The following ST7 variants were observed in gnomAD, a reference collection of about 807,000 sequenced individuals.
ST7 encodes suppression of tumorigenicity 7, also known as suppressor of tumorigenicity 7 protein.
A neutral mutation model predicts 78.7 loss-of-function variants in ST7; 28 were observed. The ratio of observed to expected loss-of-function variants is 0.36; its 90% CI spans 0.26 to 0.49. ST7 has a LOEUF of 0.49. Ranked by LOEUF, ST7 falls within the 20% of genes least tolerant of loss-of-function variation. ST7 has a pLI of 0.99. For missense variants in ST7, 418 were observed against 696.0 expected (o/e 0.60, Z 4.49); for synonymous variants, 247 against 249.6 (o/e 0.99, Z 0.10).
At chr7:117,020,703 A>C in intron 1 of ST7, 1 of 1,540,758 alleles carries the variant, frequency 6.5e-7, no homozygotes, top group Non-Finnish European at 8.8e-7. Flanking sequence ...CTTAGAGTTC[A>C]TATCACTTTG....
chr7:116,993,456 C>A (rs992381633), intron 1 of ST7, among the ~76,000 whole-genome samples: 2 of 152,148 alleles, frequency 1.3e-5, no homozygotes, highest in Non-Finnish European at 1.5e-5. Context: ...ATGGGGAAAA[C>A]GGCCCCCATG....
chr7:117,027,908 GA>G (rs1477700969), intron 1 of ST7, among the ~76,000 whole-genome samples: 2 of 152,120 alleles, frequency 1.3e-5, no homozygotes, highest in Non-Finnish European at 2.9e-5. Context: ...TTTAAAATTT[GA>G]ATCTGCTGTG....
At chr7:117,207,058 C>A (rs1484286917) in intron 12 of ST7, among the ~76,000 whole-genome samples, 1 of 152,064 alleles carries the variant, frequency 6.6e-6, no homozygotes, top group Non-Finnish European at 1.5e-5. Context: ...ACGGATGGCA[C>A]ATATCTATAA....
chr7:117,165,437 G>A (rs183078331), intron 9 of ST7, among the ~76,000 whole-genome samples: 177 of 152,240 alleles, frequency 1.2e-3, no homozygotes, highest in Middle Eastern at 6.8e-3. Flanking sequence ...GATAATGGAA[G>A]ATTATAAATG....
At chr7:117,207,318 A>G (rs1261840733) in intron 12 of ST7, among the ~76,000 whole-genome samples, 3 of 151,828 alleles carry the variant, frequency 2.0e-5, no homozygotes, top group East Asian at 1.9e-4. Context: ...TAATTTTTGT[A>G]TTTTTAGTAG....
At chr7:117,071,133 G>C (rs1455998043) in intron 1 of ST7, among the ~76,000 whole-genome samples, 1 of 151,954 alleles carries the variant, frequency 6.6e-6, no homozygotes, top group African/African-American at 2.4e-5. Context: ...ACAGGAGAAT[G>C]GCGTGAACCC....
rs143383770 is a variant in ST7, at chr7:117,209,528, T to C, written c.1255-259T>C. On this transcript the variant is annotated intron_variant, in intron 12 of 15. Transcript: ENST00000323984. ...TTTCCTTTATGCTGTTTGAGTCTTATGTATTTCTTTGATTAGAGTGTCTTA... is the reference window on the plus strand; with the variant it reads ...TTTCCTTTATGCTGTTTGAGTCTTACGTATTTCTTTGATTAGAGTGTCTTA... 2.6e-5 allele frequency among the ~76,000 whole-genome samples: 4 copies of C among 152,378 alleles called. No individual in the cohort carries two copies. The East Asian group carries it at 7.7e-4, about 29-fold the overall frequency.
At chr7:116,997,264 G>C (rs1659934384) in intron 1 of ST7, among the ~76,000 whole-genome samples, 1 of 152,094 alleles carries the variant, frequency 6.6e-6, no homozygotes, top group Admixed American at 6.5e-5. Context: ...AGTGTGGAAG[G>C]GGACCCGAGT....
In ST7 at chr7:117,109,067, CTT is replaced by C. The variant is rs1462394322; in HGVS notation, c.234+9225_234+9226del. Among the ~76,000 whole-genome samples, 5 of 152,182 alleles carry C rather than the reference CTT, an allele frequency of 3.3e-5. No homozygotes were observed. In the East Asian group the frequency reaches 9.6e-4, roughly 29 times the overall value. On this transcript the variant is annotated intron_variant, in intron 2 of 15. Coordinates refer to ENST00000323984, the MANE Select transcript of ST7 (RefSeq NM_001369598.1). ...CAAACACTTGACAGTTTGACTTCCT[CTT>C]TACCGATTTGAATGCCCTTTATTTC...
intron 1 of ST7, among the ~76,000 whole-genome samples, chr7:117,099,373 A>C (rs111713379): frequency 6.6e-6 from 1 of 152,260 alleles, no homozygotes; most frequent in African/African-American, 2.4e-5. Context: ...CTGCTTGTTG[A>C]TGCATCAGGG....
chr7:116,986,529 C>T (rs1318079508), intron 1 of ST7, among the ~76,000 whole-genome samples: 3 of 152,036 alleles, frequency 2.0e-5, no homozygotes, highest in Non-Finnish European at 4.4e-5. Context: ...TAAATGGATT[C>T]CAGCTGCTTC....
At chr7:117,119,513 T>A in intron 2 of ST7, 48 bp from the exon 3 acceptor site, 1 of 1,566,622 alleles carries the variant, frequency 6.4e-7, no homozygotes, top group Non-Finnish European at 8.6e-7. Flanking sequence ...TGTACAGAAG[T>A]CGTAAATGAT....
At chr7:117,206,083 A>G (rs920869290) in intron 12 of ST7, among the ~76,000 whole-genome samples, 4 of 152,250 alleles carry the variant, frequency 2.6e-5, no homozygotes, top group Non-Finnish European at 5.9e-5. Flanking sequence ...AAGCCTGGCC[A>G]AAAACATAAC....
intron 12 of ST7, among the ~76,000 whole-genome samples, chr7:117,209,549 T>C (rs1792114431): frequency 1.3e-5 from 2 of 152,236 alleles, no homozygotes; most frequent in Non-Finnish European, 2.9e-5. Flanking sequence ...GATTAGAGTG[T>C]CTTAGCCTGA....
chr7:117,080,042 G>A (rs986258857), intron 1 of ST7, among the ~76,000 whole-genome samples: 1 of 143,572 alleles, frequency 7.0e-6, no homozygotes, highest in South Asian at 2.2e-4. Context: ...GTGCAGTGGC[G>A]GGATCTCGGC....
chr7:117,003,949 C>G (rs1328119524), intron 1 of ST7, among the ~76,000 whole-genome samples: 1 of 152,152 alleles, frequency 6.6e-6, no homozygotes, highest in Non-Finnish European at 1.5e-5. Context: ...CTCTACAACT[C>G]AGAGATCAGA....
At chr7:117,196,096 TTTC>T (rs1217304890) in intron 12 of ST7, among the ~76,000 whole-genome samples, 3 of 152,168 alleles carry the variant, frequency 2.0e-5, no homozygotes, top group African/African-American at 7.2e-5. Context: ...ATGACAAAAT[TTTC>T]TTCTTTTTAA....
At chr7:117,173,988 A>G (rs947546484) in intron 10 of ST7, among the ~76,000 whole-genome samples, 1 of 152,166 alleles carries the variant, frequency 6.6e-6, no homozygotes, top group Non-Finnish European at 1.5e-5. Flanking sequence ...CCCTTGTCTC[A>G]TTGTTCTTCA....
intron 9 of ST7, among the ~76,000 whole-genome samples, chr7:117,154,380 A>C (rs148553325): frequency 3.0e-4 from 45 of 152,342 alleles, no homozygotes; most frequent in African/African-American, 1.1e-3. Context: ...TAAGATGCAC[A>C]GTCTGTGACA....
Sources: gnomAD v4.1 joint callset for allele counts (sites outside exome capture counted in the v4.1 genomes callset) on GRCh38, gnomAD v4.1.1 for gene constraint, MANE v1.5 for transcripts, NCBI Gene and HGNC (gene_info 2026-07-23, HGNC 2026-07-21) for gene names.